PMFBP1: variants seen among roughly 807,000 people sequenced by gnomAD.
The protein encoded by PMFBP1 is polyamine-modulated factor 1-binding protein 1.
In PMFBP1, 131 loss-of-function variants were observed where a neutral mutation model predicts 137.8. The observed-to-expected ratio is 0.95, with a 90% CI of 0.82 to 1.10. PMFBP1 has a LOEUF of 1.10. Among genes scored for constraint, PMFBP1 ranks in the 50% least tolerant of loss-of-function variants. The pLI is 0.00. For missense variants in PMFBP1, 1,199 were observed against 1,175.4 expected (o/e 1.02, Z -0.29); for synonymous variants, 490 against 450.4 (o/e 1.09, Z -1.11).
chr16:72,218,059 T>C, the PMFBP1 span, among the ~76,000 whole-genome samples: 1 of 152,168 alleles, frequency 6.6e-6, no homozygotes, highest in South Asian at 2.1e-4. Context: ...TTGAACAAGA[T>C]CCTGTTTGAA....
the PMFBP1 span, among the ~76,000 whole-genome samples, chr16:72,220,693 G>A: frequency 6.6e-6 from 1 of 152,112 alleles, no homozygotes; most frequent in African/African-American, 2.4e-5. Context: ...GACAGTACTC[G>A]GCCTTGCATT....
chr16:72,167,205 A>G (rs1331336579), intron 2 of PMFBP1, among the ~76,000 whole-genome samples: 3 of 152,210 alleles, frequency 2.0e-5, no homozygotes, highest in African/African-American at 7.2e-5. Context: ...TGGACATTGC[A>G]ATGTCAGAGT....
At chr16:72,189,533 A>T in the PMFBP1 span, among the ~76,000 whole-genome samples, 3 of 152,188 alleles carry the variant, frequency 2.0e-5, no homozygotes, top group African/African-American at 7.2e-5. Flanking sequence ...ACAGAAGGAA[A>T]ACCAGAGGAG....
At chr16:72,221,578 A>G in the PMFBP1 span, among the ~76,000 whole-genome samples, 8 of 152,196 alleles carry the variant, frequency 5.3e-5, no homozygotes, top group African/African-American at 1.9e-4. Context: ...CTTGTCTTTG[A>G]AAAGTGACAG....
At position 72,130,725 on chromosome 16, in the gene PMFBP1, G is replaced by C; in HGVS notation, c.1448-3C>G. 1 of 1,607,244 alleles carries C rather than the reference G, an allele frequency of 6.2e-7. No individual in the cohort carries two copies. The highest frequency in any genetic ancestry group is 8.5e-7 in the Non-Finnish European group (1 of 1,178,106). Reference sequence around the variant, plus strand: ...TTTGCACTGGGCTGCTTGCTGAGCTGCAGAAGCAGGGAGATGGCCATGTGA... The same window carrying C: ...TTTGCACTGGGCTGCTTGCTGAGCTCCAGAAGCAGGGAGATGGCCATGTGA... On this transcript the variant is annotated splice_region_variant and splice_polypyrimidine_tract_variant and intron_variant, in intron 10 of 20. Transcript: ENST00000237353.
chr16:72,178,201 G>A (rs1279226637), upstream of PMFBP1, among the ~76,000 whole-genome samples: 1 of 152,128 alleles, frequency 6.6e-6, no homozygotes, highest in African/African-American at 2.4e-5. Context: ...TGCATTTTGG[G>A]CAAGTGTGTC....
upstream of PMFBP1, among the ~76,000 whole-genome samples, chr16:72,177,473 AG>A (rs1243496512): frequency 6.6e-6 from 1 of 152,168 alleles, no homozygotes; most frequent in African/African-American, 2.4e-5. Context: ...CTCTCCCCAA[AG>A]GTAGAAGTGA....
At chr16:72,247,921 A>G in the PMFBP1 span, among the ~76,000 whole-genome samples, 1 of 152,212 alleles carries the variant, frequency 6.6e-6, no homozygotes, top group African/African-American at 2.4e-5. Context: ...AAACATGAAT[A>G]TTAGTTAGAA....
In PMFBP1 at chr16:72,136,588, G is replaced by C. The variant is rs1488645216; in HGVS notation, c.1063C>G (p.Leu355Val). 3.7e-6 allele frequency: 6 copies of C among 1,614,118 alleles called. No homozygotes were observed. The highest frequency in any genetic ancestry group is 3.3e-4 in the Middle Eastern group (2 of 6,062). Residue 355 changes from leucine (L) to valine (V), a missense_variant, in exon 9 of 21, where the codon CTG becomes GTG. Transcript: ENST00000237353. Reference protein sequence around the residue: ...NIMKDMMKLELDLHGLREETS... With the variant: ...NIMKDMMKLEVDLHGLREETS... Reference sequence around the variant, plus strand: ...TCCTCCCGCAGTCCGTGCAGGTCCAGCTCCAGCTTCATCATGTCTACCATG... The same window carrying C: ...TCCTCCCGCAGTCCGTGCAGGTCCACCTCCAGCTTCATCATGTCTACCATG...
the PMFBP1 span, among the ~76,000 whole-genome samples, chr16:72,249,920 CAAAAAAAA>C: frequency 3.3e-5 from 1 of 30,124 alleles, no homozygotes; most frequent in Non-Finnish European, 6.0e-5. Context: ...GACTCCATCG[CAAAAAAAA>C]AAAAAAAAAA....
Position 72,126,056 on chromosome 16 carries a change from A to G in PMFBP1, c.2165T>C (p.Leu722Pro). Residue 722 changes from leucine (L) to proline (P), a missense_variant, in exon 15 of 21, where the codon CTC becomes CCC. Transcript: ENST00000237353. ...GGCTTCTTTGGTGATGGTAGTCTGG[A>G]GATAGTGCTTCTCCTTCTGCAGAGC... ...DKALQKEKHY[L>P]QTTITKEAYD... 1 of 1,614,092 alleles carries G rather than the reference A, an allele frequency of 6.2e-7. No homozygotes were observed. Among genetic ancestry groups the G allele is most frequent in the East Asian group, 2.2e-5 (1 of 44,874 alleles).
intron 2 of PMFBP1, among the ~76,000 whole-genome samples, chr16:72,167,106 T>C (rs543991350): frequency 2.0e-5 from 3 of 152,294 alleles, no homozygotes; most frequent in South Asian, 2.1e-4. Context: ...AGACCTGATA[T>C]GGACATCGTA....
the PMFBP1 span, among the ~76,000 whole-genome samples, chr16:72,209,181 T>C: frequency 1.1e-3 from 163 of 152,288 alleles, no homozygotes; most frequent in African/African-American, 3.7e-3. Context: ...AGCCCTCAAA[T>C]AGCGCTTGTG....
chr16:72,124,779 C>T lies in PMFBP1; in HGVS notation c.2577G>A (p.Glu859=). 1 of 1,613,880 alleles carries T rather than the reference C, an allele frequency of 6.2e-7. No homozygotes were observed. The highest frequency in any genetic ancestry group is 8.5e-7 in the Non-Finnish European group (1 of 1,179,854). ...EMAALKENLL[E]DDKEPCCLPQ... is the part of the protein sequence containing the mutation. ...AAGGCATGCCCACCTCCTTATCGTC[C>T]TCAAGGAGGTTCTCTTTTAAGGCGG... Residue 859 remains glutamate, a synonymous_variant, in exon 17 of 21, where the codon GAG becomes GAA. Transcript: ENST00000237353.
chr16:72,202,288 T>C, the PMFBP1 span, among the ~76,000 whole-genome samples: 2 of 152,208 alleles, frequency 1.3e-5, no homozygotes, highest in Non-Finnish European at 2.9e-5. Flanking sequence ...CTATCACCTA[T>C]AAATCATTCC....
the PMFBP1 span, among the ~76,000 whole-genome samples, chr16:72,235,140 T>C: frequency 4.1e-4 from 63 of 152,288 alleles, no homozygotes; most frequent in African/African-American, 1.3e-3. Context: ...TTTGCTCCTA[T>C]GTTTTCTTCT....
the PMFBP1 span, among the ~76,000 whole-genome samples, chr16:72,211,506 G>A: frequency 6.6e-6 from 1 of 152,024 alleles, no homozygotes; most frequent in Non-Finnish European, 1.5e-5. Flanking sequence ...TACAGTGACA[G>A]GCAAGGATTT....
intron 6 of PMFBP1, among the ~76,000 whole-genome samples, 166 bp from the exon 7 acceptor site, chr16:72,139,565 C>T (rs1259646416): frequency 2.6e-5 from 4 of 152,202 alleles, no homozygotes; most frequent in African/African-American, 9.6e-5. Context: ...TTAAGCTCCC[C>T]ATCTTACATC....
At chr16:72,181,707 T>C (rs13331191), upstream of PMFBP1, among the ~76,000 whole-genome samples, 5,774 of 152,322 alleles carry the variant, frequency 0.038, 334 homozygotes, top group African/African-American at 0.13. Flanking sequence ...AAATAAAGCA[T>C]TGGCTGAATC....
Sources: allele counts gnomAD v4.1 joint callset (sites outside exome capture counted in the v4.1 genomes callset), GRCh38; gene constraint gnomAD v4.1.1; transcripts MANE v1.5; gene names NCBI Gene and HGNC (gene_info 2026-07-23, HGNC 2026-07-21).